The following PTPRN2 variants were observed in gnomAD, a reference collection of about 807,000 sequenced individuals.
PTPRN2 encodes the protein receptor-type tyrosine-protein phosphatase N2.
PTPRN2 carries 74 observed loss-of-function variants against 118.8 expected under a neutral mutation model. The ratio of observed to expected loss-of-function variants is 0.62; its 90% confidence interval spans 0.52 to 0.76. PTPRN2 has a LOEUF of 0.76. Among genes scored for constraint, PTPRN2 ranks in the 30% least tolerant of loss-of-function variants. The probability of loss-of-function intolerance (pLI) is 0.00; values close to 1 mark genes in which losing one functional copy is unlikely to be tolerated. For missense variants in PTPRN2, 1,481 were observed against 1,394.4 expected (o/e 1.06, Z -0.99); for synonymous variants, 641 against 608.0 (o/e 1.05, Z -0.80).
At chr7:157,821,140 C>T (rs1247886453) in intron 12 of PTPRN2, among the ~76,000 whole-genome samples, 1 of 152,224 alleles carries the variant, frequency 6.6e-6, no homozygotes, top group Non-Finnish European at 1.5e-5. Flanking sequence ...CAATGCCACT[C>T]GGGTGTACTT....
chr7:157,548,988 C>T lies in PTPRN2; in HGVS notation c.2934G>A (p.Leu978=). 1 of 1,614,220 alleles carries T rather than the reference C, an allele frequency of 6.2e-7. No individual in the cohort carries two copies. Among genetic ancestry groups the T allele is most frequent in the Non-Finnish European group, 8.5e-7 (1 of 1,180,034 alleles). ...CGGGTCTCTGGTCCCTCAAGTGCTC[C>T]AGGGTCGCTGCGATATCAATCTCTT... ...GAKEIDIAAT[L]EHLRDQRPGM... The change falls in exon 22 of 23, where the codon CTG becomes CTA. Residue 978 remains leucine (L), a synonymous_variant. Coordinates refer to ENST00000389418, the MANE Select transcript of PTPRN2 (RefSeq NM_002847.5).
intron 2 of PTPRN2, among the ~76,000 whole-genome samples, chr7:158,449,222 A>G (rs1031460665): frequency 6.6e-6 from 1 of 152,206 alleles, no homozygotes; most frequent in East Asian, 1.9e-4. Flanking sequence ...GGTGTCTCCA[A>G]TGACAGATAC....
chr7:158,320,096 CATAG>C (rs1563133887), intron 2 of PTPRN2, among the ~76,000 whole-genome samples: 1 of 37,116 alleles, frequency 2.7e-5, no homozygotes, highest in Non-Finnish European at 6.2e-5. Flanking sequence ...CACACACTCA[CATAG>C]TCTCCCTCAC....
intron 11 of PTPRN2, among the ~76,000 whole-genome samples, chr7:157,952,767 A>G (rs1224528271): frequency 1.3e-5 from 2 of 152,094 alleles, no homozygotes; most frequent in Non-Finnish European, 2.9e-5. Flanking sequence ...AGGGGACAGG[A>G]ACCCCAGGGG....
Position 158,152,940 on chromosome 7 carries a change from T to TGATGGGATAAGAGCAGACC in PTPRN2, c.910+13990_910+13991insGGTCTGCTCTTATCCCATC, listed in dbSNP as rs1563524886. Among the ~76,000 whole-genome samples, 195 of 71,096 alleles carry TGATGGGATAAGAGCAGACC rather than the reference T, an allele frequency of 2.7e-3. 13 individuals are homozygous for TGATGGGATAAGAGCAGACC. Among genetic ancestry groups the TGATGGGATAAGAGCAGACC allele is most frequent in the African/African-American group, 7.3e-3 (182 of 24,920 alleles). The allele number at this position is 71,096 out of a possible 152,430, so 46.6% of individuals were successfully genotyped here. ...ACCGACTGATGGGATAAGAGCAGACTGACAGACACCAGCACGCCAGCAGGC... is the reference window on the plus strand; with the variant it reads ...ACCGACTGATGGGATAAGAGCAGACTGATGGGATAAGAGCAGACCGACAGACACCAGCACGCCAGCAGGC... On this transcript the variant is annotated intron_variant, in intron 6 of 22. Coordinates refer to ENST00000389418, the MANE Select transcript of PTPRN2 (RefSeq NM_002847.5).
chr7:158,116,753 C>A (rs1274009050), intron 9 of PTPRN2, among the ~76,000 whole-genome samples: 1 of 152,144 alleles, frequency 6.6e-6, no homozygotes, highest in Non-Finnish European at 1.5e-5. Context: ...TCATTTTTCT[C>A]TTTTTCCGCT....
intron 3 of PTPRN2, among the ~76,000 whole-genome samples, chr7:158,282,024 C>T (rs764426790): frequency 1.1e-4 from 16 of 152,250 alleles, no homozygotes; most frequent in South Asian, 2.1e-4. Context: ...AGAGACCTGG[C>T]CTCCTGTCTA....
intron 11 of PTPRN2, among the ~76,000 whole-genome samples, chr7:157,999,426 A>G (rs1237771394): frequency 6.6e-6 from 1 of 152,164 alleles, no homozygotes; most frequent in Non-Finnish European, 1.5e-5. Flanking sequence ...GGAGCTACAC[A>G]AAGATAAAGC....
rs769804653 is a variant in PTPRN2, at chr7:157,801,275, C to T, written c.1788+97398G>A. 6.6e-5 allele frequency among the ~76,000 whole-genome samples: 10 copies of T among 152,112 alleles called. No homozygotes were observed. Among genetic ancestry groups the T allele is most frequent in the South Asian group, 2.1e-4 (1 of 4,818 alleles). On this transcript the variant is annotated intron_variant, in intron 12 of 22. Transcript: ENST00000389418. The surrounding 1 kb of genome is among the most constrained non-coding windows in gnomAD (Gnocchi z 4.2). ...CAGGCCTTCCGCTTAGCGCTGCCTT[C>T]GAGATCAGTCTCTCGACCCCTGTTA...
chr7:158,137,348 CAA>C (rs1818918062), intron 7 of PTPRN2, among the ~76,000 whole-genome samples: 1 of 152,126 alleles, frequency 6.6e-6, no homozygotes, highest in African/African-American at 2.4e-5. Flanking sequence ...ACCCGGCAGG[CAA>C]AGTTTGCAGT....
At chr7:157,989,282 G>A (rs1225407457) in intron 11 of PTPRN2, among the ~76,000 whole-genome samples, 1 of 152,178 alleles carries the variant, frequency 6.6e-6, no homozygotes, top group Non-Finnish European at 1.5e-5. Context: ...AGCTAGGCGT[G>A]GTGGCGCATG....
At chr7:158,260,855 C>G (rs1797351136) in intron 3 of PTPRN2, among the ~76,000 whole-genome samples, 1 of 152,158 alleles carries the variant, frequency 6.6e-6, no homozygotes, top group African/African-American at 2.4e-5. Flanking sequence ...CAGGCCGGGA[C>G]CCAGCATGCC....
At chr7:158,194,137 TTGTG>T (rs1452734304) in intron 4 of PTPRN2, among the ~76,000 whole-genome samples, 11 of 149,344 alleles carry the variant, frequency 7.4e-5, no homozygotes, top group African/African-American at 2.3e-4. Context: ...GTGTGTGAGT[TTGTG>T]TAAGTGTGTG....
chr7:158,417,496 TCA>T (rs1814794524), intron 2 of PTPRN2, among the ~76,000 whole-genome samples: 2 of 151,058 alleles, frequency 1.3e-5, no homozygotes, highest in African/African-American at 4.9e-5. Flanking sequence ...GCTCTAGCTC[TCA>T]GTGTCCCACT....
chr7:157,847,684 T>A (rs932783616), intron 12 of PTPRN2, among the ~76,000 whole-genome samples: 3 of 144,044 alleles, frequency 2.1e-5, no homozygotes, highest in Non-Finnish European at 4.5e-5. Context: ...GCCGGATGTT[T>A]ACAGATGTTT....
rs1190208250 is a variant in PTPRN2 at position 158,072,057 on chromosome 7, C to CCGTGGTGGTGGAGGTGCT, written c.1723+9223_1723+9240dup. Among the ~76,000 whole-genome samples the CCGTGGTGGTGGAGGTGCT allele has an allele frequency of 2.2e-3, 149 of 69,124 alleles. 1 individual carries two copies. The highest frequency in any genetic ancestry group is 5.2e-3 in the African/African-American group (88 of 16,816). The allele number at this position is 69,124 out of a possible 152,430, so 45.3% of individuals were successfully genotyped here. A position where few individuals can be genotyped will look rare whatever the true frequency, so the allele number is the denominator to read the frequency against. The stretch of plus-strand genomic sequence containing the variant: ...GAGGTGCTCGTGGTGGTGGAGGTTC[C>CCGTGGTGGTGGAGGTGCT]CGTGGTGGTGGAGGTGCTCGTGGTG... On this transcript the variant is annotated intron_variant, in intron 11 of 22. Transcript: ENST00000389418.
chr7:158,218,221 C>T (rs1353149517), intron 3 of PTPRN2, among the ~76,000 whole-genome samples: 1 of 151,810 alleles, frequency 6.6e-6, no homozygotes, highest in African/African-American at 2.4e-5. Context: ...AAAGAGAACC[C>T]ACCAGGCTGA....
rs1320551251 is a variant in PTPRN2 at position 158,131,652 on chromosome 7, TACAC to T, written c.1556+2021_1556+2024del. On this transcript the variant is annotated intron_variant, in intron 9 of 22. Transcript: ENST00000389418. Reference sequence around the variant, plus strand: ...ATACACACTCATACACACATGCACATACACACAAACCGATACACATCTACCCGAC... The same window carrying T: ...ATACACACTCATACACACATGCACATACAAACCGATACACATCTACCCGAC... 4.3e-5 allele frequency among the ~76,000 whole-genome samples: 6 copies of T among 138,106 alleles called. No individual in the cohort carries two copies. The East Asian group carries it at 1.1e-3, about 25-fold the overall frequency. The allele number at this position is 138,106 out of a possible 152,430, so 90.6% of individuals were successfully genotyped here.
In PTPRN2 at chr7:158,134,071, G is replaced by A; in HGVS notation, c.1174-12C>T. On this transcript the variant is annotated splice_polypyrimidine_tract_variant and intron_variant, in intron 8 of 22. Transcript: ENST00000389418. ...CTCAGACGATGGACCTGACAGAGAG[G>A]ACATTCCGTGAGGGACGTCTGCGAA... 1 of 1,607,472 alleles carries A rather than the reference G, an allele frequency of 6.2e-7. No individual in the cohort carries two copies. The highest frequency in any genetic ancestry group is 8.5e-7 in the Non-Finnish European group (1 of 1,175,962).
Sources: gnomAD v4.1 joint callset for allele counts (sites outside exome capture counted in the v4.1 genomes callset) on GRCh38, gnomAD v4.1.1 for gene constraint, Gnocchi (gnomAD v3.1) non-coding constraint, MANE v1.5 for transcripts, NCBI Gene and HGNC (gene_info 2026-07-23, HGNC 2026-07-21) for gene names.